BTAF1: variants seen among roughly 807,000 people sequenced by gnomAD.
BTAF1 encodes the protein TATA-binding protein-associated factor 172.
BTAF1 carries 38 observed loss-of-function variants against 227.1 expected under a neutral mutation model. The ratio of observed to expected loss-of-function variants is 0.17; its 90% CI spans 0.13 to 0.22. BTAF1 has a LOEUF of 0.22. Ranked by LOEUF, BTAF1 falls within the 10% of genes least tolerant of loss-of-function variation. The pLI is 1.00. For missense variants in BTAF1, 1,598 were observed against 2,204.0 expected (o/e 0.73, Z 5.51); for synonymous variants, 742 against 751.9 (o/e 0.99, Z 0.21).
intron 6 of BTAF1, among the ~76,000 whole-genome samples, chr10:91,954,922 A>G (rs1388298123): frequency 6.6e-6 from 1 of 152,192 alleles, no homozygotes; most frequent in African/African-American, 2.4e-5. Context: ...GTGCTCAGGA[A>G]ATGTTTGCAT....
chr10:91,932,262 A>G (rs1401229367), intron 1 of BTAF1, among the ~76,000 whole-genome samples: 1 of 152,200 alleles, frequency 6.6e-6, no homozygotes, highest in Non-Finnish European at 1.5e-5. Flanking sequence ...TCAGCTTGCT[A>G]TTTGGGACAA....
chr10:91,946,622 T>C (rs1845381994), intron 4 of BTAF1, among the ~76,000 whole-genome samples: 3 of 152,194 alleles, frequency 2.0e-5, no homozygotes, highest in Non-Finnish European at 2.9e-5. Context: ...TGATATCTCA[T>C]TGTGATTTTG....
At chr10:91,925,758 C>T (rs1353509652) in intron 1 of BTAF1, among the ~76,000 whole-genome samples, 3 of 152,174 alleles carry the variant, frequency 2.0e-5, no homozygotes, top group Non-Finnish European at 4.4e-5. Flanking sequence ...GATCCGCCGG[C>T]CTTGGCCTCC....
intron 6 of BTAF1, among the ~76,000 whole-genome samples, chr10:91,956,254 A>G (rs549222835): frequency 6.6e-6 from 1 of 152,324 alleles, no homozygotes; most frequent in East Asian, 1.9e-4. Flanking sequence ...GGAGGGAAAA[A>G]TGGCCTATTA....
chr10:91,984,525 C>T lies in BTAF1; in HGVS notation c.2427+121C>T, dbSNP rs745395203. 5.0e-4 allele frequency: 376 copies of T among 753,758 alleles called. 1 individual carries two copies. The highest frequency in any genetic ancestry group is 6.8e-4 in the Non-Finnish European group (324 of 479,186). 46.7% of individuals were successfully genotyped at this position (753,758 alleles called of 1,614,324 possible). A position where few individuals can be genotyped will look rare whatever the true frequency, so the allele number is the denominator to read the frequency against. On this transcript the variant is annotated intron_variant, in intron 19 of 37. Transcript: ENST00000265990. ...GTTGAGTCTGTATGTGGCTTGGTAG[C>T]CTGTCATCTCTACCCTTGAGAAAGG...
At chr10:92,003,175 C>A (rs961279496) in intron 25 of BTAF1, among the ~76,000 whole-genome samples, 1 of 148,362 alleles carries the variant, frequency 6.7e-6, no homozygotes, top group African/African-American at 2.5e-5. Flanking sequence ...AAAAAAGTTA[C>A]GGCGTCCAAC....
chr10:91,970,497 CAG>C (rs1318738649), intron 14 of BTAF1, among the ~76,000 whole-genome samples: 1 of 152,166 alleles, frequency 6.6e-6, no homozygotes, highest in African/African-American at 2.4e-5. Context: ...CAGGCAAAGA[CAG>C]AGCTTGTGCA....
chr10:92,001,320 C>T (rs1849512818), intron 25 of BTAF1, among the ~76,000 whole-genome samples: 1 of 152,150 alleles, frequency 6.6e-6, no homozygotes, highest in Non-Finnish European at 1.5e-5. Flanking sequence ...TTCTCCCAAG[C>T]CTTTGGCTGA....
intron 33 of BTAF1, among the ~76,000 whole-genome samples, chr10:92,018,215 C>T (rs948227008): frequency 2.0e-5 from 3 of 152,106 alleles, no homozygotes; most frequent in African/African-American, 7.2e-5. Flanking sequence ...TCCCGAGTTG[C>T]TGGGATTACA....
intron 34 of BTAF1, among the ~76,000 whole-genome samples, chr10:92,021,674 T>A (rs2134166280): frequency 6.6e-6 from 1 of 152,174 alleles, no homozygotes; most frequent in African/African-American, 2.4e-5. Context: ...CCCAAGTAGC[T>A]GGGACTGTAG....
chr10:91,985,044 T>C (rs1848312252), intron 19 of BTAF1, among the ~76,000 whole-genome samples: 2 of 152,132 alleles, frequency 1.3e-5, no homozygotes, highest in Admixed American at 1.3e-4. Flanking sequence ...AAATCTTAGG[T>C]GGACCATTTG....
intron 24 of BTAF1, chr10:91,997,072 T>G (rs1849189091): frequency 7.8e-7 from 1 of 1,274,558 alleles, no homozygotes; most frequent in Non-Finnish European, 1.0e-6. Context: ...ACTCAAAGTA[T>G]CTGAAAGATA....
intron 19 of BTAF1, among the ~76,000 whole-genome samples, chr10:91,987,866 G>A (rs1034982754): frequency 1.3e-5 from 2 of 152,060 alleles, no homozygotes; most frequent in African/African-American, 2.4e-5. Context: ...TTCTGGGCCC[G>A]AGCTTCTATT....
At chr10:91,966,857 G>C in intron 14 of BTAF1, 100 bp downstream of exon 14, 3 of 1,122,756 alleles carry the variant, frequency 2.7e-6, no homozygotes, top group Non-Finnish European at 3.7e-6. Context: ...CCAAAGATCA[G>C]GACAATGTTG....
chr10:92,008,221 G>T lies in BTAF1; in HGVS notation c.3759G>T (p.Leu1253Phe), dbSNP rs1347413999. ...FLEQLLDGKK[L>F]ENYKIPVPIN... ...AGCAATTGTTAGATGGGAAAAAATT[G>T]GAAAATTATAAAATTCCAGTACCAA... The change falls in exon 26 of 38, where the codon TTG becomes TTT. Residue 1253 changes from leucine to phenylalanine, a missense_variant. By Grantham distance (22) the Leu-to-Phe change is conservative. Transcript: ENST00000265990. 6.3e-7 allele frequency: 1 copy of T among 1,597,840 alleles called. No individual in the cohort carries two copies.
chr10:92,011,664 A>G (rs923672466), intron 30 of BTAF1, among the ~76,000 whole-genome samples: 5 of 152,174 alleles, frequency 3.3e-5, no homozygotes, highest in African/African-American at 9.7e-5. Flanking sequence ...CAAAAGTATG[A>G]AAGACATAAA....
intron 35 of BTAF1, among the ~76,000 whole-genome samples, chr10:92,025,247 C>T (rs1851416880): frequency 6.6e-6 from 1 of 152,112 alleles, no homozygotes; most frequent in Admixed American, 6.6e-5. Flanking sequence ...TAACTACTTT[C>T]CCCCTTACCT....
rs925118820 is a variant in BTAF1 at position 92,014,022 on chromosome 10, C to T, written c.4577C>T (p.Pro1526Leu). 4 of 1,608,556 alleles carry T rather than the reference C, an allele frequency of 2.5e-6. No individual in the cohort carries two copies. In the African/African-American group the frequency reaches 4.0e-5, roughly 16 times the overall value. Residue 1526 changes from proline to leucine, a missense_variant, in exon 32 of 38, where the codon CCT (proline) becomes CTT (leucine). Physicochemically the swap from Pro to Leu is moderately conservative, Grantham distance 98. Transcript: ENST00000265990. Reference sequence around the variant, plus strand: ...CAAGACTATTATTGTACTCTTAGTCCTCTCCAGGTTAGGAATCTCGTGTTT... The same window carrying T: ...CAAGACTATTATTGTACTCTTAGTCTTCTCCAGGTTAGGAATCTCGTGTTT... ...IIQDYYCTLSPLQVQLYEDFA... is the reference protein window; with the variant it reads ...IIQDYYCTLSLLQVQLYEDFA...
At position 91,942,575 on chromosome 10, in the gene BTAF1, A is replaced by C. The variant is rs1053025176; in HGVS notation, c.400+7A>C. On this transcript the variant is annotated splice_region_variant and intron_variant, in intron 4 of 37. Coordinates refer to ENST00000265990, the MANE Select transcript of BTAF1 (RefSeq NM_003972.3). Reference sequence around the variant, plus strand: ...GTCCAAGATGAAAAATCAGGTCTGTAGTGGTTCTGAGAAGAAAGTCTAAAA... The same window carrying C: ...GTCCAAGATGAAAAATCAGGTCTGTCGTGGTTCTGAGAAGAAAGTCTAAAA... 2 of 1,613,496 alleles carry C rather than the reference A, an allele frequency of 1.2e-6. No individual in the cohort carries two copies. The highest frequency in any genetic ancestry group is 2.7e-5 in the African/African-American group (2 of 74,878).
Sources: allele counts gnomAD v4.1 joint callset (sites outside exome capture counted in the v4.1 genomes callset), GRCh38; gene constraint gnomAD v4.1.1; transcripts MANE v1.5; gene names NCBI Gene and HGNC (gene_info 2026-07-23, HGNC 2026-07-21).